MARCHF1: variants seen among roughly 807,000 people sequenced by gnomAD.
MARCHF1 encodes E3 ubiquitin-protein ligase MARCHF1.
In MARCHF1, 40 loss-of-function variants were observed where a neutral mutation model predicts 54.2. The ratio of observed to expected loss-of-function variants is 0.74; its 90% confidence interval spans 0.57 to 0.96. The LOEUF (loss-of-function observed/expected upper bound fraction) is 0.96. MARCHF1 is among the 40% of genes least tolerant of loss of function. The pLI is 0.00. For synonymous variants in MARCHF1, 236 were observed against 236.3 expected, an observed-to-expected ratio of 1.00 and a Z score of 0.01; for missense variants, 586 against 656.5, an observed-to-expected ratio of 0.89 and a Z score of 1.17.
intron 5 of MARCHF1, among the ~76,000 whole-genome samples, chr4:163,687,186 A>G (rs1744294626): frequency 6.6e-6 from 1 of 152,112 alleles, no homozygotes. Flanking sequence ...TTACCTGTCT[A>G]ACCCCCCAAG....
intron 1 of MARCHF1, among the ~76,000 whole-genome samples, chr4:164,358,362 T>C (rs6827603): frequency 0.54 from 81,366 of 151,922 alleles, 22,449 homozygotes; most frequent in East Asian, 0.65. Flanking sequence ...AGTCAACTTA[T>C]TTTGAATATG....
intron 2 of MARCHF1, among the ~76,000 whole-genome samples, chr4:164,029,685 C>A (rs1160050300): frequency 1.3e-5 from 2 of 152,140 alleles, no homozygotes; most frequent in African/African-American, 2.4e-5. Context: ...ACCTCTGCCT[C>A]CTGGGTTAAA....
At chr4:164,017,906 A>C (rs1294226954) in intron 2 of MARCHF1, among the ~76,000 whole-genome samples, 2 of 151,768 alleles carry the variant, frequency 1.3e-5, no homozygotes, top group African/African-American at 4.8e-5. Flanking sequence ...AGATTTTATA[A>C]AAAGCCACAG....
chr4:164,142,755 A>T (rs1756581449), intron 1 of MARCHF1, among the ~76,000 whole-genome samples: 1 of 152,234 alleles, frequency 6.6e-6, no homozygotes, highest in South Asian at 2.1e-4. Context: ...AACTCTAAAA[A>T]GGAGAGCAAC....
intron 2 of MARCHF1, among the ~76,000 whole-genome samples, chr4:164,004,246 C>CATACATATAT (rs141219173): frequency 2.0e-5 from 3 of 149,978 alleles, no homozygotes; most frequent in African/African-American, 7.3e-5. Context: ...TGTTTACATA[C>CATACATATAT]ATATATATAT....
rs568747640 is a variant in MARCHF1, at chr4:163,991,192, T to G, written c.-247-2483A>C. 2.6e-5 allele frequency among the ~76,000 whole-genome samples: 4 copies of G among 152,346 alleles called. No homozygotes were observed. In the East Asian group the frequency reaches 5.8e-4, roughly 22 times the overall value. On this transcript the variant is annotated intron_variant, in intron 2 of 9. Coordinates refer to ENST00000514618, the MANE Select transcript of MARCHF1 (RefSeq NM_001394959.1). ...AAACAAGAAGAGGTTTGTTATATCTTTTTAAGCAAATGTTTTAGCAATAAC... is the reference window on the plus strand; with the variant it reads ...AAACAAGAAGAGGTTTGTTATATCTGTTTAAGCAAATGTTTTAGCAATAAC...
At chr4:163,650,547 G>A (rs1011326474) in intron 5 of MARCHF1, among the ~76,000 whole-genome samples, 4 of 151,732 alleles carry the variant, frequency 2.6e-5, no homozygotes, top group African/African-American at 9.7e-5. Flanking sequence ...TATTAAATCA[G>A]GTGTAAAGTG....
rs928690592 is a variant in MARCHF1 at position 163,526,752 on chromosome 4, TAAGA to T, written c.*1992_*1995del. On this transcript the variant is annotated 3_prime_UTR_variant, in exon 10 of 10. Coordinates refer to ENST00000514618, the MANE Select transcript of MARCHF1 (RefSeq NM_001394959.1). ...CTTTCCCTGTGCTTATAACAAGTTT[TAAGA>T]AAGATGAGTTTTAAACCTTTTGTTT... 10 of 152,122 alleles carry T rather than the reference TAAGA, an allele frequency of 6.6e-5. No homozygotes were observed. Among genetic ancestry groups the T allele is most frequent in the Admixed American group, 3.3e-4 (5 of 15,246 alleles). 9.4% of individuals were successfully genotyped at this position (152,122 alleles called of 1,614,324 possible). A position where few individuals can be genotyped will look rare whatever the true frequency, so the allele number is the denominator to read the frequency against.
chr4:163,556,373 C>T (rs1739286628), intron 8 of MARCHF1, among the ~76,000 whole-genome samples: 1 of 152,090 alleles, frequency 6.6e-6, no homozygotes, highest in South Asian at 2.1e-4. Flanking sequence ...CTTTGGGTGG[C>T]AGCAAATAAA....
At chr4:164,134,433 A>C (rs943359481) in intron 1 of MARCHF1, among the ~76,000 whole-genome samples, 3 of 152,222 alleles carry the variant, frequency 2.0e-5, no homozygotes, top group African/African-American at 7.2e-5. Context: ...TGAAGAATAC[A>C]TTACATTTTC....
chr4:164,088,789 A>T (rs1465355395), intron 2 of MARCHF1, among the ~76,000 whole-genome samples: 1 of 152,162 alleles, frequency 6.6e-6, no homozygotes, highest in East Asian at 1.9e-4. Context: ...TAAGTGAAAA[A>T]ATCCAAAAGA....
chr4:164,186,798 T>G (rs1344217265), intron 1 of MARCHF1, among the ~76,000 whole-genome samples: 1 of 152,220 alleles, frequency 6.6e-6, no homozygotes, highest in African/African-American at 2.4e-5. Context: ...CTTTGTAATA[T>G]AATGGTTATT....
chr4:164,367,825 A>G (rs1409780956), intron 1 of MARCHF1, among the ~76,000 whole-genome samples: 3 of 151,968 alleles, frequency 2.0e-5, no homozygotes, highest in Admixed American at 6.6e-5. Context: ...AGTCCAGTGC[A>G]GGAAGGTGTA....
At chr4:164,042,273 C>A (rs1156632704) in intron 2 of MARCHF1, among the ~76,000 whole-genome samples, 1 of 152,042 alleles carries the variant, frequency 6.6e-6, no homozygotes, top group Admixed American at 6.6e-5. Flanking sequence ...GTATAAAGAA[C>A]TACTTGAGAC....
chr4:164,016,100 T>C (rs1019562374), intron 2 of MARCHF1, among the ~76,000 whole-genome samples: 1 of 152,162 alleles, frequency 6.6e-6, no homozygotes, highest in African/African-American at 2.4e-5. Context: ...ATATTATACA[T>C]ATTGTATTAG....
At chr4:164,142,912 T>C (rs558008764) in intron 1 of MARCHF1, among the ~76,000 whole-genome samples, 1 of 151,882 alleles carries the variant, frequency 6.6e-6, no homozygotes, top group African/African-American at 2.4e-5. Context: ...GCAAAGAAAT[T>C]GAAAACTTTG....
intron 1 of MARCHF1, among the ~76,000 whole-genome samples, chr4:164,167,989 G>A (rs903082766): frequency 6.6e-6 from 1 of 151,786 alleles, no homozygotes; most frequent in African/African-American, 2.4e-5. Flanking sequence ...GCCAATCTAG[G>A]TACTCGGAAA....
At chr4:164,128,093 G>A (rs1327820914) in intron 1 of MARCHF1, among the ~76,000 whole-genome samples, 1 of 152,134 alleles carries the variant, frequency 6.6e-6, no homozygotes, top group Non-Finnish European at 1.5e-5. Context: ...GGATAAATGT[G>A]TAGCTATTTG....
chr4:163,604,891 C>T (rs559765000), intron 7 of MARCHF1, among the ~76,000 whole-genome samples: 1 of 152,056 alleles, frequency 6.6e-6, no homozygotes, highest in Non-Finnish European at 1.5e-5. Flanking sequence ...GTTATTACTT[C>T]CTCAGGGAAA....
Sources: gnomAD v4.1 joint callset for allele counts (sites outside exome capture counted in the v4.1 genomes callset) on GRCh38, gnomAD v4.1.1 for gene constraint, MANE v1.5 for transcripts, NCBI Gene and HGNC (gene_info 2026-07-23, HGNC 2026-07-21) for gene names.